Variants in UMODL1 observed in about 807,000 individuals in gnomAD.
UMODL1 encodes uromodulin like 1, also known as uromodulin-like 1.
Under a neutral mutation model 136.3 loss-of-function variants are expected in UMODL1, and 128 were observed. The ratio of observed to expected loss-of-function variants is 0.94; its 90% CI spans 0.81 to 1.09. The LOEUF (loss-of-function observed/expected upper bound fraction) is 1.09. UMODL1 is among the 50% of genes least tolerant of loss of function. The pLI is 0.00. For missense variants in UMODL1, 1,766 were observed against 1,725.6 expected, an observed-to-expected ratio of 1.02 and a Z score of -0.41; for synonymous variants, 721 against 720.0, an observed-to-expected ratio of 1.00 and a Z score of -0.02.
At chr21:42,138,357 A>G (rs2067236606) in intron 22 of UMODL1, among the ~76,000 whole-genome samples, 1 of 152,144 alleles carries the variant, frequency 6.6e-6, no homozygotes, top group African/African-American at 2.4e-5. Flanking sequence ...TGGATGCCAC[A>G]GTGGACCCCC....
rs2067299168 is a variant in UMODL1, at chr21:42,142,707, T to C, written c.*633T>C. 6.6e-6 allele frequency: 1 copy of C among 152,250 alleles called. No homozygotes were observed. The highest frequency in any genetic ancestry group is 2.4e-5 in the African/African-American group (1 of 41,464). The allele number at this position is 152,250 out of a possible 1,614,324, so 9.4% of individuals were successfully genotyped here. On this transcript the variant is annotated 3_prime_UTR_variant, in exon 23 of 23. Transcript: ENST00000408910. Reference sequence around the variant, plus strand: ...GGCACTCGATTAATGTGACAACCTTTTCAATAAGCAGAAATAACGTAGGTA... The same window carrying C: ...GGCACTCGATTAATGTGACAACCTTCTCAATAAGCAGAAATAACGTAGGTA...
intron 15 of UMODL1, 44 bp from the exon 16 acceptor site, chr21:42,121,042 GC>G: frequency 6.3e-7 from 1 of 1,578,214 alleles, no homozygotes. Context: ...GAGACCACAA[GC>G]CCCCAGGGAT....
intron 9 of UMODL1, 132 bp downstream of exon 9, chr21:42,104,219 A>G: frequency 2.9e-6 from 3 of 1,018,682 alleles, no homozygotes; most frequent in Non-Finnish European, 2.8e-6. Context: ...ATCTTCCTCC[A>G]CCGGAACCAG....
In UMODL1 at chr21:42,109,429, TG is replaced by T. The variant is rs2066782723; in HGVS notation, c.1520-132del. On this transcript the variant is annotated intron_variant, in intron 9 of 22. Transcript: ENST00000408910. ...GGTTGTCATGAGAGTGTTGGACGGA[TG>T]CCCCAAAATGCCCCTGCTCCCGGCC... 6.8e-6 allele frequency: 8 copies of T among 1,168,458 alleles called. No homozygotes were observed. In the Admixed American group the frequency reaches 1.3e-4, roughly 18 times the overall value. 72.4% of individuals were successfully genotyped at this position (1,168,458 alleles called of 1,614,324 possible).
upstream of UMODL1, among the ~76,000 whole-genome samples, chr21:42,070,784 G>A (rs1354013649): frequency 6.6e-6 from 1 of 152,244 alleles, no homozygotes; most frequent in Non-Finnish European, 1.5e-5. Flanking sequence ...CCAAGCTCCG[G>A]GAGGAGAGGA....
intron 9 of UMODL1, 35 bp downstream of exon 9, chr21:42,104,122 C>T: frequency 1.3e-6 from 2 of 1,576,552 alleles, no homozygotes; most frequent in Non-Finnish European, 1.7e-6. Flanking sequence ...TGCCTGGTGT[C>T]CTCCAGCTCA....
At chr21:42,080,448 G>A (rs1262101162) in intron 2 of UMODL1, among the ~76,000 whole-genome samples, 1 of 152,114 alleles carries the variant, frequency 6.6e-6, no homozygotes. Context: ...CCAGACAGTG[G>A]TAAAATGCCA....
upstream of UMODL1, among the ~76,000 whole-genome samples, chr21:42,070,893 T>C (rs220273): frequency 0.84 from 127,392 of 152,208 alleles, 53,448 homozygotes; most frequent in Admixed American, 0.9. Flanking sequence ...TTTGATTTGA[T>C]GCTGTTTTCT....
intron 21 of UMODL1, among the ~76,000 whole-genome samples, chr21:42,136,356 A>C (rs371166190): frequency 6.6e-6 from 1 of 152,332 alleles, no homozygotes; most frequent in South Asian, 2.1e-4. Flanking sequence ...CATACGCATG[A>C]GTCCCTCCCC....
At chr21:42,066,423 C>CA (rs2066183533), upstream of UMODL1, among the ~76,000 whole-genome samples, 1 of 152,198 alleles carries the variant, frequency 6.6e-6, no homozygotes, top group Non-Finnish European at 1.5e-5. Flanking sequence ...GCTAGGATTA[C>CA]AGGTGTGTGT....
chr21:42,068,603 C>T (rs1373887871), upstream of UMODL1, among the ~76,000 whole-genome samples: 1 of 152,212 alleles, frequency 6.6e-6, no homozygotes, highest in Admixed American at 6.5e-5. This position sits in a 1 kb window ranked among gnomAD's most constrained non-coding sequence, Gnocchi z 5.5. Flanking sequence ...CCCACCCTGC[C>T]TCTTTCTGCC....
At chr21:42,138,483 C>T (rs953075604) in intron 22 of UMODL1, among the ~76,000 whole-genome samples, 2 of 152,084 alleles carry the variant, frequency 1.3e-5, no homozygotes, top group Non-Finnish European at 2.9e-5. Flanking sequence ...ACATAGTTCA[C>T]CACAAATGAA....
chr21:42,136,820 C>T (rs371179823), intron 21 of UMODL1, among the ~76,000 whole-genome samples: 6 of 152,082 alleles, frequency 3.9e-5, no homozygotes, highest in South Asian at 2.1e-4. Context: ...TACAGTGGCA[C>T]GATCTCAGCT....
intron 11 of UMODL1, 154 bp from the exon 12 acceptor site, chr21:42,111,352 G>A: frequency 6.2e-7 from 1 of 1,609,650 alleles, no homozygotes; most frequent in Non-Finnish European, 8.5e-7. Flanking sequence ...GCCCCAGCCA[G>A]GAGAGCCCCA....
intron 22 of UMODL1, among the ~76,000 whole-genome samples, chr21:42,140,682 TCCCAGTTGAGAGGCAGC>T (rs6147521): frequency 0.18 from 27,920 of 151,942 alleles, 2,610 homozygotes; most frequent in South Asian, 0.3. Flanking sequence ...ACACCAGGTG[TCCCAGTTGAGAGGCAGC>T]AACTGTTGTG....
At chr21:42,093,864 C>A (rs1469351787) in intron 6 of UMODL1, 1 of 456,700 alleles carries the variant, frequency 2.2e-6, no homozygotes, top group Non-Finnish European at 4.4e-6. Flanking sequence ...ACTCCTGTAC[C>A]CCGCAGCACG....
chr21:42,139,872 G>A (rs941584382), intron 22 of UMODL1, among the ~76,000 whole-genome samples: 3 of 152,138 alleles, frequency 2.0e-5, no homozygotes, highest in Non-Finnish European at 4.4e-5. Flanking sequence ...CAGGAGAGAC[G>A]GGAAAGACAA....
At chr21:42,113,949 T>C (rs2066871813) in intron 13 of UMODL1, 119 bp downstream of exon 13, 3 of 1,380,982 alleles carry the variant, frequency 2.2e-6, no homozygotes, top group South Asian at 2.9e-5. Context: ...ATTGTTCTTC[T>C]CAGCTTAGGG....
rs1316801519 is a variant in UMODL1, at chr21:42,099,907, C to T, written c.1186+727C>T. On this transcript the variant is annotated intron_variant, in intron 7 of 22. Coordinates refer to ENST00000408910, the MANE Select transcript of UMODL1 (RefSeq NM_001004416.3). This position sits in a 1 kb window ranked among gnomAD's most constrained non-coding sequence, Gnocchi z 4.1. ...TGTTGCTCAGGCTGGTGTCAAACTCCTGGGCTCAAGTGATCTCAGGAGGCA... is the reference window on the plus strand; with the variant it reads ...TGTTGCTCAGGCTGGTGTCAAACTCTTGGGCTCAAGTGATCTCAGGAGGCA... 2.6e-5 allele frequency among the ~76,000 whole-genome samples: 4 copies of T among 152,170 alleles called. No homozygotes were observed. Among genetic ancestry groups the T allele is most frequent in the African/African-American group, 9.7e-5 (4 of 41,438 alleles).
Sources: allele counts gnomAD v4.1 joint callset (sites outside exome capture counted in the v4.1 genomes callset), GRCh38; gene constraint gnomAD v4.1.1; non-coding constraint Gnocchi (gnomAD v3.1); transcripts MANE v1.5; gene names NCBI Gene and HGNC (gene_info 2026-07-23, HGNC 2026-07-21).